Variants in KLHL13 observed in about 807,000 individuals in gnomAD.
KLHL13 encodes kelch-like protein 13.
Under a neutral mutation model 37.1 loss-of-function variants are expected in KLHL13, and 10 were observed. That is an observed-to-expected ratio of 0.27 (90% confidence interval 0.17 to 0.46). KLHL13 has a LOEUF of 0.46. Among genes scored for constraint, KLHL13 ranks in the 20% least tolerant of loss-of-function variants. KLHL13 has a pLI of 1.00. For missense variants in KLHL13, 360 were observed against 509.3 expected, an observed-to-expected ratio of 0.71 and a Z score of 2.82; for synonymous variants, 163 against 181.2, an observed-to-expected ratio of 0.90 and a Z score of 0.81.
intron 1 of KLHL13, among the ~76,000 whole-genome samples, chrX:118,098,127 T>A (rs1348344492): frequency 9.0e-6 from 1 of 111,419 alleles, no homozygotes; most frequent in Admixed American, 9.5e-5. Flanking sequence ...GAAACTACCA[T>A]CAGAGTGAAC....
At chrX:118,023,337 T>C (rs2054240170) in intron 1 of KLHL13, among the ~76,000 whole-genome samples, 1 of 111,304 alleles carries the variant, frequency 9.0e-6, no homozygotes, top group Non-Finnish European at 1.9e-5. Flanking sequence ...ATATTATAAG[T>C]GCAAGTTTCT....
chrX:117,960,924 T>A (rs762253669), intron 1 of KLHL13, among the ~76,000 whole-genome samples: 17 of 112,252 alleles, frequency 1.5e-4, no homozygotes, highest in African/African-American at 4.8e-4. Context: ...CATGATTTTA[T>A]TCAAAAGGTA....
intron 1 of KLHL13, among the ~76,000 whole-genome samples, chrX:118,096,840 T>G (rs2055212761): frequency 9.0e-6 from 1 of 111,619 alleles, no homozygotes; most frequent in Non-Finnish European, 1.9e-5. Flanking sequence ...CATGATTATC[T>G]CAATAGATGC....
chrX:118,035,812 T>G (rs2054430813), intron 1 of KLHL13, among the ~76,000 whole-genome samples: 1 of 105,351 alleles, frequency 9.5e-6, no homozygotes, highest in Non-Finnish European at 1.9e-5. Flanking sequence ...TGTCCCTGTT[T>G]GCAGACGACA....
chrX:118,031,764 C>T (rs368781832), intron 1 of KLHL13, among the ~76,000 whole-genome samples: 134 of 106,406 alleles, frequency 1.3e-3, no homozygotes, highest in Non-Finnish European at 2.1e-3. Flanking sequence ...GGAACAGCTC[C>T]GGTCTACAGC....
At chrX:117,963,083 T>A (rs2053332549) in intron 1 of KLHL13, among the ~76,000 whole-genome samples, 3 of 112,107 alleles carry the variant, frequency 2.7e-5, no homozygotes, top group Non-Finnish European at 5.6e-5. Context: ...AATCTAAAGT[T>A]CTGAAACTTG....
chrX:118,071,028 T>TA (rs1300346801), intron 1 of KLHL13, among the ~76,000 whole-genome samples: 2 of 110,414 alleles, frequency 1.8e-5, no homozygotes, highest in Non-Finnish European at 3.8e-5. Context: ...CTTCTTGCGA[T>TA]AGTTTACTGA....
At chrX:118,000,981 C>T (rs779369013) in intron 1 of KLHL13, among the ~76,000 whole-genome samples, 1 of 111,923 alleles carries the variant, frequency 8.9e-6, no homozygotes, top group South Asian at 3.7e-4. Flanking sequence ...CCTTGATTAA[C>T]ATCGTAAATT....
At chrX:117,956,703 T>C (rs774315310) in intron 1 of KLHL13, among the ~76,000 whole-genome samples, 42 of 111,683 alleles carry the variant, frequency 3.8e-4, no homozygotes, top group Non-Finnish European at 7.4e-4. Flanking sequence ...TCAGTGTAGA[T>C]GAGAAGCAGA....
At chrX:117,905,657 T>C (rs1337610133) in intron 5 of KLHL13, among the ~76,000 whole-genome samples, 9 of 111,771 alleles carry the variant, frequency 8.1e-5, no homozygotes, top group Non-Finnish European at 1.5e-4. Flanking sequence ...CCACTGTTTT[T>C]TTTTTAATTT....
chrX:118,098,591 T>C (rs2055242808), intron 1 of KLHL13, among the ~76,000 whole-genome samples: 1 of 108,745 alleles, frequency 9.2e-6, no homozygotes, highest in Admixed American at 9.9e-5. Context: ...ACCCAAAGGA[T>C]TATAAATCAT....
At chrX:118,045,943 G>C (rs2054555896) in intron 1 of KLHL13, among the ~76,000 whole-genome samples, 1 of 112,407 alleles carries the variant, frequency 8.9e-6, no homozygotes, top group African/African-American at 3.2e-5. Flanking sequence ...ACTGTTGGTG[G>C]AACGTAAATT....
intron 1 of KLHL13, among the ~76,000 whole-genome samples, chrX:118,083,093 T>A (rs901523743): frequency 8.9e-6 from 1 of 112,051 alleles, no homozygotes; most frequent in African/African-American, 3.2e-5. Context: ...AAGATTGTTT[T>A]TCTCTTGTTT....
At chrX:117,997,993 T>C (rs1416390137) in intron 1 of KLHL13, among the ~76,000 whole-genome samples, 1 of 111,786 alleles carries the variant, frequency 8.9e-6, no homozygotes, top group East Asian at 2.8e-4. Context: ...TAATTTATGA[T>C]CTTTTATATC....
intron 1 of KLHL13, among the ~76,000 whole-genome samples, chrX:118,099,797 A>G (rs1333032085): frequency 2.8e-5 from 3 of 107,547 alleles, no homozygotes; most frequent in African/African-American, 1.0e-4. Flanking sequence ...ACAGAGCCAG[A>G]CTCTGTCACA....
At chrX:117,910,994 TA>T (rs1005769336) in intron 4 of KLHL13, among the ~76,000 whole-genome samples, 5 of 112,003 alleles carry the variant, frequency 4.5e-5, no homozygotes, top group Middle Eastern at 9.1e-3. Flanking sequence ...TTCAATGCTC[TA>T]ATAACTGACT....
chrX:118,098,916 G>T (rs1353228858), intron 1 of KLHL13, among the ~76,000 whole-genome samples: 12 of 81,493 alleles, frequency 1.5e-4, no homozygotes, highest in Non-Finnish European at 2.6e-4. Flanking sequence ...CACACACCAG[G>T]GACTGTTGTG....
At chrX:118,046,781 A>G (rs981306474) in intron 1 of KLHL13, among the ~76,000 whole-genome samples, 6 of 112,014 alleles carry the variant, frequency 5.4e-5, no homozygotes, top group African/African-American at 1.9e-4. Flanking sequence ...AGTAAGGAAA[A>G]CAGAGAGAAC....
In KLHL13 at chrX:117,919,532, G is replaced by C. The variant is rs1444630417; in HGVS notation, c.559C>G (p.Leu187Val). 59 of 1,202,542 alleles carry C rather than the reference G, an allele frequency of 4.9e-5. No homozygotes were observed. The highest frequency in any genetic ancestry group is 6.6e-5 in the Non-Finnish European group (59 of 889,810). The change falls in exon 4 of 7, where the codon CTC (leucine) becomes GTC (valine). Residue 187 changes from leucine to valine, a missense_variant. This residue lies in a region of KLHL13 where 194 missense variants were observed against 225.0 expected (regional missense o/e 0.86). Transcript: ENST00000262820. ...TCAAAATATCTTACCCCAGATATGA[G>C]AAACACTTTACAGAAGTCCAAAACT...
Sources: gnomAD v4.1 joint callset for allele counts (sites outside exome capture counted in the v4.1 genomes callset) on GRCh38, gnomAD v4.1.1 for gene constraint, gnomAD v4.1.1 regional missense constraint, MANE v1.5 for transcripts, NCBI Gene and HGNC (gene_info 2026-07-23, HGNC 2026-07-21) for gene names.